DNAAF11: variants seen among roughly 807,000 people sequenced by gnomAD.
The protein encoded by DNAAF11 is leucine rich repeat containing 6.
DNAAF11 carries 45 observed loss-of-function variants against 60.8 expected under a neutral mutation model. The observed-to-expected ratio is 0.74, with a 90% CI of 0.58 to 0.95. The LOEUF (loss-of-function observed/expected upper bound fraction) is 0.95. Among genes scored for constraint, DNAAF11 ranks in the 40% least tolerant of loss-of-function variants. The pLI is 0.00. For synonymous variants in DNAAF11, 191 were observed against 183.5 expected, an observed-to-expected ratio of 1.04 and a Z score of -0.33; for missense variants, 546 against 546.2, an observed-to-expected ratio of 1.00 and a Z score of 0.00.
At chr8:132,607,553 T>G (rs897882538) in intron 10 of DNAAF11, among the ~76,000 whole-genome samples, 1 of 152,308 alleles carries the variant, frequency 6.6e-6, no homozygotes, top group East Asian at 1.9e-4. Flanking sequence ...CCAGAGTGTA[T>G]AGATCCAGCC....
chr8:132,613,531 G>A (rs537008851), intron 8 of DNAAF11, among the ~76,000 whole-genome samples: 1 of 152,248 alleles, frequency 6.6e-6, no homozygotes, highest in East Asian at 1.9e-4. Context: ...GACAGAGAAT[G>A]GGCAGTGACT....
At chr8:132,621,885 T>C (rs975376169) in intron 7 of DNAAF11, among the ~76,000 whole-genome samples, 8 of 152,228 alleles carry the variant, frequency 5.3e-5, no homozygotes, top group Non-Finnish European at 1.0e-4. Context: ...CACCTGTGAC[T>C]GCTGTGAAGA....
intron 3 of DNAAF11, among the ~76,000 whole-genome samples, chr8:132,647,549 C>G (rs1016978736): frequency 6.6e-6 from 1 of 152,072 alleles, no homozygotes; most frequent in Non-Finnish European, 1.5e-5. Flanking sequence ...ACAAAAAACC[C>G]TTCAAAAAAT....
At chr8:132,610,470 CACAA>C (rs1316799660) in intron 9 of DNAAF11, among the ~76,000 whole-genome samples, 1 of 152,166 alleles carries the variant, frequency 6.6e-6, no homozygotes, top group Non-Finnish European at 1.5e-5. Flanking sequence ...AGTTATCAAT[CACAA>C]ACAGTGACAT....
intron 1 of DNAAF11, 126 bp from the exon 2 acceptor site, chr8:132,661,753 A>T (rs1310427331): frequency 1.1e-6 from 1 of 920,236 alleles, no homozygotes; most frequent in African/African-American, 1.6e-5. Flanking sequence ...TCCAGGCCCA[A>T]GCGATTTTCA....
At chr8:132,584,981 A>C (rs948816498) in intron 10 of DNAAF11, among the ~76,000 whole-genome samples, 1 of 152,210 alleles carries the variant, frequency 6.6e-6, no homozygotes, top group African/African-American at 2.4e-5. Flanking sequence ...TCTAAGCTTT[A>C]CTAGACAGAA....
At chr8:132,573,870 A>G (rs542956770) in intron 11 of DNAAF11, among the ~76,000 whole-genome samples, 1 of 152,222 alleles carries the variant, frequency 6.6e-6, no homozygotes, top group Admixed American at 6.5e-5. Flanking sequence ...AAAATATACA[A>G]AGAATATAAA....
chr8:132,580,026 G>A (rs1342050481), intron 11 of DNAAF11, among the ~76,000 whole-genome samples: 2 of 145,046 alleles, frequency 1.4e-5, no homozygotes. Context: ...CAAAAAAGAC[G>A]ACTACTCAAG....
chr8:132,622,713 C>T (rs1379462898), intron 6 of DNAAF11, 25 bp from the exon 7 acceptor site: 2 of 1,468,702 alleles, frequency 1.4e-6, no homozygotes, highest in African/African-American at 2.8e-5. Context: ...TGGATGAGAA[C>T]AATGGGCAGC....
Position 132,631,319 on chromosome 8 carries a change from C to T in DNAAF11, c.653+1421G>A, listed in dbSNP as rs532849454. Among the ~76,000 whole-genome samples, 164 of 152,258 alleles carry T rather than the reference C, an allele frequency of 1.1e-3. 1 individual carries two copies. The highest frequency in any genetic ancestry group is 1.8e-3 in the Non-Finnish European group (120 of 68,038). On this transcript the variant is annotated intron_variant, in intron 5 of 11. Coordinates refer to ENST00000620350, the MANE Select transcript of DNAAF11 (RefSeq NM_012472.6). ...GGAAGACCACATGTGTTGTTAGAGC[C>T]GCTGCACATTCTGATGGGTCAGGGC...
rs1467136935 is a variant in DNAAF11, at chr8:132,625,369, A to C, written c.739T>G (p.Leu247Val). The C allele has an allele frequency of 1.9e-6, 3 of 1,613,476 alleles. No individual in the cohort carries two copies. Among genetic ancestry groups the C allele is most frequent in the South Asian group, 2.2e-5 (2 of 90,972 alleles). ...AAACAGGGCTTATTCCAGAATTCCA[A>C]GTCATCTTCACTGTTGTCTAATTTC... ...TKKLDNSEDDLEFWNKPCLFT... is the reference protein window; with the variant it reads ...TKKLDNSEDDVEFWNKPCLFT... Residue 247 changes from leucine to valine, a missense_variant, in exon 6 of 12, where the codon TTG becomes GTG. Physicochemically the swap from Leu to Val is conservative, Grantham distance 32. Transcript: ENST00000620350.
At chr8:132,574,807 C>G (rs1013853014) in intron 11 of DNAAF11, among the ~76,000 whole-genome samples, 5 of 152,130 alleles carry the variant, frequency 3.3e-5, no homozygotes, top group Non-Finnish European at 7.4e-5. Flanking sequence ...AGTGGGAGGA[C>G]AAGAGGAATA....
At chr8:132,576,181 C>T (rs1814728440) in intron 11 of DNAAF11, among the ~76,000 whole-genome samples, 1 of 152,190 alleles carries the variant, frequency 6.6e-6, no homozygotes, top group Non-Finnish European at 1.5e-5. Flanking sequence ...TGACACTACT[C>T]CTTGTTACTG....
chr8:132,663,772 C>T (rs1438368025), intron 1 of DNAAF11, among the ~76,000 whole-genome samples: 2 of 152,200 alleles, frequency 1.3e-5, no homozygotes, highest in African/African-American at 4.8e-5. Context: ...AAGCCTTACT[C>T]TAAACCTTGC....
intron 4 of DNAAF11, among the ~76,000 whole-genome samples, chr8:132,635,367 G>A (rs951823258): frequency 1.3e-5 from 2 of 152,162 alleles, no homozygotes; most frequent in Admixed American, 1.3e-4. Flanking sequence ...AGGCCTCACA[G>A]AACTCCCTTG....
Position 132,609,295 on chromosome 8 carries a change from A to G in DNAAF11, c.1140+871T>C, listed in dbSNP as rs78186395. 3.0e-3 allele frequency among the ~76,000 whole-genome samples: 463 copies of G among 152,056 alleles called. 5 individuals are homozygous for G. The highest frequency in any genetic ancestry group is 0.011 in the African/African-American group (446 of 41,486). On this transcript the variant is annotated intron_variant, in intron 10 of 11. Coordinates refer to ENST00000620350, the MANE Select transcript of DNAAF11 (RefSeq NM_012472.6). Reference sequence around the variant, plus strand: ...ACCTCCAGATTACTTACAACACCTAATACAATGTAAATGTTATGTAAGTAG... The same window carrying G: ...ACCTCCAGATTACTTACAACACCTAGTACAATGTAAATGTTATGTAAGTAG...
the DNAAF11 span, among the ~76,000 whole-genome samples, chr8:132,693,653 T>C: frequency 6.8e-4 from 103 of 151,930 alleles, 1 homozygote; most frequent in African/African-American, 2.4e-3. Flanking sequence ...CTAAGTGCTA[T>C]TGGGGTGGGG....
chr8:132,615,342 C>CAA (rs1350592463), intron 7 of DNAAF11, among the ~76,000 whole-genome samples: 2 of 152,150 alleles, frequency 1.3e-5, no homozygotes. Flanking sequence ...AAATTACACA[C>CAA]AAAAAATTAG....
chr8:132,593,526 A>C (rs75020169), intron 10 of DNAAF11, among the ~76,000 whole-genome samples: 1,570 of 151,258 alleles, frequency 0.01, 29 homozygotes, highest in African/African-American at 0.036. Context: ...TCAATAAAAT[A>C]CTAATTAGCA....
Sources: gnomAD v4.1 joint callset for allele counts (sites outside exome capture counted in the v4.1 genomes callset) on GRCh38, gnomAD v4.1.1 for gene constraint, MANE v1.5 for transcripts, NCBI Gene and HGNC (gene_info 2026-07-23, HGNC 2026-07-21) for gene names.